The following ASAP1 variants were observed in gnomAD, a reference collection of about 807,000 sequenced individuals.
ASAP1 encodes the protein arf-GAP with SH3 domain, ANK repeat and PH domain-containing protein 1.
Under a neutral mutation model 145.2 loss-of-function variants are expected in ASAP1, and 43 were observed. The ratio of observed to expected loss-of-function variants is 0.30; its 90% CI spans 0.23 to 0.38. The LOEUF is 0.38. Among genes scored for constraint, ASAP1 ranks in the 10% least tolerant of loss-of-function variants. ASAP1 has a pLI of 1.00. For synonymous variants in ASAP1, 546 were observed against 515.5 expected, an observed-to-expected ratio of 1.06 and a Z score of -0.80; for missense variants, 1,018 against 1,355.3, an observed-to-expected ratio of 0.75 and a Z score of 3.91.
In ASAP1 at chr8:130,082,501, C is replaced by CTT. The variant is rs11414704; in HGVS notation, c.2573-2532_2573-2531dup. On this transcript the variant is annotated intron_variant, in intron 25 of 29. Coordinates refer to ENST00000518721, the MANE Select transcript of ASAP1 (RefSeq NM_018482.4). The stretch of plus-strand genomic sequence containing the variant: ...ACAGGTGTGAGCCACCACACGTGGC[C>CTT]TTTTTTTTTTTTTTTTTTAAGAGAC... 2.6e-3 allele frequency among the ~76,000 whole-genome samples: 344 copies of CTT among 130,656 alleles called. 3 individuals carry two copies. The highest frequency in any genetic ancestry group is 6.3e-3 in the South Asian group (25 of 3,970). The allele number at this position is 130,656 out of a possible 152,430, so 85.7% of individuals were successfully genotyped here.
intron 5 of ASAP1, among the ~76,000 whole-genome samples, chr8:130,191,929 T>C (rs1483223198): frequency 6.6e-6 from 1 of 152,178 alleles, no homozygotes; most frequent in African/African-American, 2.4e-5. Flanking sequence ...TTAGGCTTCT[T>C]GAAATTCTCA....
chr8:130,240,794 C>T (rs1323951909), intron 3 of ASAP1, among the ~76,000 whole-genome samples: 6 of 152,120 alleles, frequency 3.9e-5, no homozygotes, highest in Non-Finnish European at 8.8e-5. Context: ...GCACTTCCAA[C>T]CTTGATACGA....
At chr8:130,128,225 C>A in intron 15 of ASAP1, 135 bp from the exon 16 acceptor site, 3 of 541,792 alleles carry the variant, frequency 5.5e-6, no homozygotes, top group Non-Finnish European at 8.5e-6. Flanking sequence ...AGCCCCCTTC[C>A]AAAATAGCAA....
At chr8:130,141,455 C>G (rs1362538458) in intron 13 of ASAP1, among the ~76,000 whole-genome samples, 1 of 152,156 alleles carries the variant, frequency 6.6e-6, no homozygotes, top group Non-Finnish European at 1.5e-5. Context: ...CGGTACCTGG[C>G]CTGACCACCT....
intron 13 of ASAP1, among the ~76,000 whole-genome samples, chr8:130,149,806 C>G (rs984047342): frequency 6.6e-6 from 1 of 152,168 alleles, no homozygotes; most frequent in African/African-American, 2.4e-5. Context: ...GGCTAGAGAC[C>G]TTTCTGTGGG....
intron 3 of ASAP1, among the ~76,000 whole-genome samples, chr8:130,281,019 A>C (rs78950687): frequency 0.018 from 2,681 of 152,298 alleles, 39 homozygotes; most frequent in East Asian, 0.069. Context: ...CCAAATAACA[A>C]ATAGGTTTAG....
At chr8:130,209,675 A>G (rs1032429214) in intron 5 of ASAP1, among the ~76,000 whole-genome samples, 4 of 152,238 alleles carry the variant, frequency 2.6e-5, no homozygotes, top group African/African-American at 9.6e-5. Context: ...TGAAATAGGA[A>G]GTATGCATAA....
chr8:130,314,198 T>C (rs1322154088), intron 3 of ASAP1, among the ~76,000 whole-genome samples: 1 of 152,218 alleles, frequency 6.6e-6, no homozygotes, highest in Non-Finnish European at 1.5e-5. Flanking sequence ...ATATTAATTC[T>C]ACTGGAGGGG....
Position 130,270,070 on chromosome 8 carries a change from C to T in ASAP1, c.187-33076G>A, listed in dbSNP as rs984699868. Among the ~76,000 whole-genome samples, 6 of 152,008 alleles carry T rather than the reference C, an allele frequency of 3.9e-5. No homozygotes were observed. In the South Asian group the frequency reaches 6.2e-4, roughly 16 times the overall value. ...CTGTAATCCCAGCTATTCTGGAGGC[C>T]GAGGCACAAGAATCGCTTGAACTTG... On this transcript the variant is annotated intron_variant, in intron 3 of 29. Coordinates refer to ENST00000518721, the MANE Select transcript of ASAP1 (RefSeq NM_018482.4).
At chr8:130,401,243 G>A (rs1432223872) in intron 2 of ASAP1, among the ~76,000 whole-genome samples, 1 of 151,770 alleles carries the variant, frequency 6.6e-6, no homozygotes, top group Non-Finnish European at 1.5e-5. Flanking sequence ...TTATTTTATT[G>A]TACTTTTAAT....
intron 24 of ASAP1, among the ~76,000 whole-genome samples, chr8:130,098,668 C>T (rs1054402698): frequency 6.6e-6 from 1 of 152,034 alleles, no homozygotes; most frequent in Non-Finnish European, 1.5e-5. Flanking sequence ...TTAGTTGACA[C>T]AATTGTACAT....
At chr8:130,410,941 A>T (rs1407613629) in intron 1 of ASAP1, among the ~76,000 whole-genome samples, 1 of 152,006 alleles carries the variant, frequency 6.6e-6, no homozygotes, top group East Asian at 1.9e-4. Flanking sequence ...GCTCACTGCA[A>T]CCTCCGTCTC....
At chr8:130,256,753 A>ATATATATATATCCT (rs1565142568) in intron 3 of ASAP1, among the ~76,000 whole-genome samples, 22 of 67,008 alleles carry the variant, frequency 3.3e-4, no homozygotes, top group African/African-American at 1.4e-3. Context: ...ATATATATAT[A>ATATATATATATCCT]TATATATATA....
At chr8:130,330,534 C>T (rs1463307573) in intron 3 of ASAP1, among the ~76,000 whole-genome samples, 3 of 152,254 alleles carry the variant, frequency 2.0e-5, no homozygotes, top group Non-Finnish European at 2.9e-5. Context: ...TTACCCTTCC[C>T]TCAGTCATCT....
intron 25 of ASAP1, among the ~76,000 whole-genome samples, chr8:130,090,697 C>A (rs938178467): frequency 6.6e-6 from 1 of 152,138 alleles, no homozygotes; most frequent in African/African-American, 2.4e-5. Context: ...ATGAACTCCA[C>A]GAGCATATGG....
intron 24 of ASAP1, among the ~76,000 whole-genome samples, chr8:130,106,615 C>T (rs1038261405): frequency 6.6e-6 from 1 of 152,228 alleles, no homozygotes; most frequent in Admixed American, 6.5e-5. Flanking sequence ...ATCCTGGCCA[C>T]CTATTTCTGG....
At chr8:130,222,740 A>G (rs760491096) in intron 4 of ASAP1, among the ~76,000 whole-genome samples, 3 of 152,208 alleles carry the variant, frequency 2.0e-5, no homozygotes, top group Non-Finnish European at 4.4e-5. Context: ...GAACTGTGCT[A>G]AGTATTTCTC....
At chr8:130,367,262 G>A (rs1827002349) in intron 2 of ASAP1, among the ~76,000 whole-genome samples, 1 of 152,172 alleles carries the variant, frequency 6.6e-6, no homozygotes, top group Non-Finnish European at 1.5e-5. Flanking sequence ...GAGCTCATAT[G>A]TAGGCAGAGA....
intron 1 of ASAP1, among the ~76,000 whole-genome samples, chr8:130,429,006 G>A (rs922902297): frequency 6.6e-6 from 1 of 152,206 alleles, no homozygotes; most frequent in Admixed American, 6.5e-5. Context: ...GGCTTGTGGT[G>A]GTTGCCAGAA....
Sources: gnomAD v4.1 joint callset for allele counts (sites outside exome capture counted in the v4.1 genomes callset) on GRCh38, gnomAD v4.1.1 for gene constraint, MANE v1.5 for transcripts, NCBI Gene and HGNC (gene_info 2026-07-23, HGNC 2026-07-21) for gene names.